KHSRP: variants seen among roughly 807,000 people sequenced by gnomAD.
The protein encoded by KHSRP is KH-type splicing regulatory protein, also known as far upstream element-binding protein 2.
KHSRP carries 13 observed loss-of-function variants against 94.9 expected under a neutral mutation model. The observed-to-expected ratio is 0.14, with a 90% CI of 0.09 to 0.22. KHSRP has a LOEUF of 0.22. Among genes scored for constraint, KHSRP ranks in the 10% least tolerant of loss-of-function variants. KHSRP has a pLI of 1.00. For synonymous variants in KHSRP, 495 were observed against 401.4 expected, an observed-to-expected ratio of 1.23 and a Z score of -2.79; for missense variants, 710 against 1,010.0, an observed-to-expected ratio of 0.70 and a Z score of 4.03.
intron 1 of KHSRP, 43 bp downstream of exon 1, chr19:6,424,410 C>T: frequency 1.2e-6 from 1 of 849,164 alleles, no homozygotes; most frequent in Non-Finnish European, 1.4e-6. Flanking sequence ...CCCCCGCCTG[C>T]GCGCGCGCGC....
Position 6,418,126 on chromosome 19 carries a change from C to T in KHSRP, c.880-47G>A, listed in dbSNP as rs1377256649. On this transcript the variant is annotated intron_variant, in intron 9 of 18. Coordinates refer to ENST00000600480, the MANE Select transcript of KHSRP (RefSeq NM_001366299.1). The surrounding 1 kb of genome is among the most constrained non-coding windows in gnomAD (Gnocchi z 4.3). ...CCCCCATGGGTGAGCCCTGCTGCCC[C>T]ACACCCCCCCACCTCCTCGGGGGTG... The T allele has an allele frequency of 1.9e-6, 3 of 1,544,188 alleles. No individual in the cohort carries two copies. The highest frequency in any genetic ancestry group is 2.7e-6 in the Non-Finnish European group (3 of 1,118,986).
intron 5 of KHSRP, 44 bp from the exon 6 acceptor site, chr19:6,420,188 G>A (rs1440115893): frequency 6.5e-7 from 1 of 1,547,176 alleles, no homozygotes; most frequent in Non-Finnish European, 8.9e-7. Context: ...GATGAGGGAA[G>A]GGAGCCCAGG....
intron 11 of KHSRP, 47 bp downstream of exon 11, chr19:6,417,692 G>C (rs371459937): frequency 1.3e-5 from 20 of 1,532,652 alleles, no homozygotes; most frequent in Non-Finnish European, 1.7e-5. Context: ...GCCTCCCAAA[G>C]AGGGTGGGGG....
chr19:6,420,593 C>G, intron 4 of KHSRP, 122 bp from the exon 5 acceptor site: 1 of 857,574 alleles, frequency 1.2e-6, no homozygotes, highest in East Asian at 2.6e-5. Flanking sequence ...ACACAGGCCA[C>G]AAAACTGCCA....
chr19:6,416,238 T>C lies in KHSRP; in HGVS notation c.1598+60A>G, dbSNP rs2092145171. The C allele has an allele frequency of 2.9e-6, 4 of 1,370,520 alleles. No homozygotes were observed. In the South Asian group the frequency reaches 5.2e-5, roughly 18 times the overall value. The allele number at this position is 1,370,520 out of a possible 1,614,324, so 84.9% of individuals were successfully genotyped here. Reference sequence around the variant, plus strand: ...AGGGAAAGGGAAATGGGGTCTGCTATTCTTCTTGCCAGCTCAGTAAGCCCC... The same window carrying C: ...AGGGAAAGGGAAATGGGGTCTGCTACTCTTCTTGCCAGCTCAGTAAGCCCC... On this transcript the variant is annotated intron_variant, in intron 15 of 18. Transcript: ENST00000600480.
intron 11 of KHSRP, among the ~76,000 whole-genome samples, 161 bp downstream of exon 11, chr19:6,417,578 C>T (rs180830410): frequency 2.1e-4 from 32 of 152,278 alleles, no homozygotes; most frequent in African/African-American, 6.7e-4. Flanking sequence ...GTGTCTGTCC[C>T]AGAGAAGAGA....
At position 6,414,982 on chromosome 19, in the gene KHSRP, G is replaced by T. The variant is rs938521148; in HGVS notation, c.*42C>A. 3 of 1,439,032 alleles carry T rather than the reference G, an allele frequency of 2.1e-6. No homozygotes were observed. In the Admixed American group the frequency reaches 8.6e-5, roughly 41 times the overall value. 89.1% of individuals were successfully genotyped at this position (1,439,032 alleles called of 1,614,324 possible). A position where few individuals can be genotyped will look rare whatever the true frequency, so the allele number is the denominator to read the frequency against. On this transcript the variant is annotated 3_prime_UTR_variant, in exon 19 of 19. Transcript: ENST00000600480. Reference sequence around the variant, plus strand: ...GAATGCTTCCCTGGCGGTGCGTGGGGACTCCCGGAGACCTCCGGCCACACG... The same window carrying T: ...GAATGCTTCCCTGGCGGTGCGTGGGTACTCCCGGAGACCTCCGGCCACACG...
Position 6,415,599 on chromosome 19 carries a change from G to A in KHSRP, c.1823C>T (p.Pro608Leu). 2 of 1,516,644 alleles carry A rather than the reference G, an allele frequency of 1.3e-6. No homozygotes were observed. The allele number at this position is 1,516,644 out of a possible 1,614,324, so 93.9% of individuals were successfully genotyped here. The change falls in exon 17 of 19, where the codon CCT becomes CTT. Residue 608 changes from proline to leucine, a missense_variant. By Grantham distance (98) the Pro-to-Leu change is moderately conservative (BLOSUM62 -3). Transcript: ENST00000600480. ...PAAPPAQGEP[P>L]QPPPTGQSDY... ...CGACTGGCCGGTGGGTGGGGGCTGA[G>A]GGGGCTCACCCTGAGCCGGTGGGGC...
chr19:6,420,920 G>A lies in KHSRP; in HGVS notation c.425+358C>T. The A allele has an allele frequency of 1.0e-5, 4 of 392,432 alleles. No homozygotes were observed. The South Asian group carries it at 1.3e-4, about 13-fold the overall frequency. The allele number at this position is 392,432 out of a possible 1,614,324, so 24.3% of individuals were successfully genotyped here. ...AGCCCTGAGCTCCACAGCACTGAGT[G>A]GGATGGGCACTTGCAGATGTGTGAG... On this transcript the variant is annotated intron_variant, in intron 4 of 18. Transcript: ENST00000600480.
In KHSRP at chr19:6,415,619, T is replaced by G. The variant is rs2092138207; in HGVS notation, c.1803A>C (p.Pro601=). ...VPGPAPAPAA[P]PAQGEPPQPP... is the part of the protein sequence containing the mutation. ...GCTGAGGGGGCTCACCCTGAGCCGG[T>G]GGGGCCGCAGGGGCCGGTGCGGGGC... The change falls in exon 17 of 19, where the codon CCA becomes CCC. Residue 601 remains proline, a synonymous_variant. Coordinates refer to ENST00000600480, the MANE Select transcript of KHSRP (RefSeq NM_001366299.1). The G allele has an allele frequency of 6.6e-7, 1 of 1,513,170 alleles. No homozygotes were observed. Among genetic ancestry groups the G allele is most frequent in the Non-Finnish European group, 8.8e-7 (1 of 1,131,608 alleles). 93.7% of individuals were successfully genotyped at this position (1,513,170 alleles called of 1,614,324 possible). A position where few individuals can be genotyped will look rare whatever the true frequency, so the allele number is the denominator to read the frequency against.
At position 6,420,561 on chromosome 19, in the gene KHSRP, T is replaced by G; in HGVS notation, c.426-90A>C. ...GGTCTACTTGAAGCCAAGGCCACCA[T>G]AGGTCTAAGCAGAGTCTGACCACAC... On this transcript the variant is annotated intron_variant, in intron 4 of 18. Coordinates refer to ENST00000600480, the MANE Select transcript of KHSRP (RefSeq NM_001366299.1). 10 of 1,192,846 alleles carry G rather than the reference T, an allele frequency of 8.4e-6. No homozygotes were observed. In the South Asian group the frequency reaches 1.0e-4, roughly 12 times the overall value. The allele number at this position is 1,192,846 out of a possible 1,614,324, so 73.9% of individuals were successfully genotyped here.
At chr19:6,419,473 GA>G (rs1276227726) in intron 6 of KHSRP, among the ~76,000 whole-genome samples, 1 of 152,178 alleles carries the variant, frequency 6.6e-6, no homozygotes, top group African/African-American at 2.4e-5. Context: ...GACTTTAAGG[GA>G]AAAGGATGAG....
chr19:6,422,401 T>C lies in KHSRP; in HGVS notation c.285A>G (p.Thr95=), dbSNP rs1202163238. 2 of 1,613,764 alleles carry C rather than the reference T, an allele frequency of 1.2e-6. No homozygotes were observed. The highest frequency in any genetic ancestry group is 1.3e-5 in the African/African-American group (1 of 74,940). Residue 95 remains threonine (T), a synonymous_variant, in exon 2 of 19, where the codon ACA becomes ACG. Transcript: ENST00000600480. ...CAAAATCAGGAGTGCTGTTATTCAC[T>C]GTCGTGGCAGCATCGCCTCCAATTT... is the stretch of plus-strand genomic sequence containing the variant. ...AAKIGGDAAT[T]VNNSTPDFGF...
In KHSRP at chr19:6,413,886, G is replaced by A. The variant is rs2092119778; in HGVS notation, c.*1138C>T. The A allele has an allele frequency of 2.5e-6, 1 of 407,518 alleles. No individual in the cohort carries two copies. Among genetic ancestry groups the A allele is most frequent in the Admixed American group, 4.4e-5 (1 of 22,982 alleles). 25.2% of individuals were successfully genotyped at this position (407,518 alleles called of 1,614,324 possible). On this transcript the variant is annotated 3_prime_UTR_variant, in exon 19 of 19. Coordinates refer to ENST00000600480, the MANE Select transcript of KHSRP (RefSeq NM_001366299.1). ...TATCTTCTCTGGCTGGCTCAACATG[G>A]AAGGATCCCAATTTTGAAAGAAAAA... is the stretch of plus-strand genomic sequence containing the variant.
rs1199457332 is a variant in KHSRP at position 6,424,700 on chromosome 19, ATGGCGCGGCGGGGCCGGGCC to A, written c.-19_1del. The A allele has an allele frequency of 5.8e-6, 6 of 1,029,964 alleles. No homozygotes were observed. The East Asian group carries it at 3.1e-4, about 54-fold the overall frequency. The allele number at this position is 1,029,964 out of a possible 1,614,324, so 63.8% of individuals were successfully genotyped here. On this transcript the variant is annotated start_lost and start_retained_variant and 5_prime_UTR_variant, in exon 1 of 19. Transcript: ENST00000600480. ...GGGTCCTCCCGTGCTGTAGTCCGAC[ATGGCGCGGCGGGGCCGGGCC>A]TGGCGCGGAGGCTGAAGCTGAGGAG...
At chr19:6,420,175 C>T (rs752629727) in intron 5 of KHSRP, 31 bp from the exon 6 acceptor site, 31 of 1,587,704 alleles carry the variant, frequency 2.0e-5, no homozygotes, top group South Asian at 1.6e-4. Flanking sequence ...AAAAGCAAAG[C>T]GTGATGAGGG....
Position 6,424,622 on chromosome 19 carries a change from C to A in KHSRP, c.80G>T (p.Gly27Val). Reference protein sequence around the residue: ...AGGGGGAGGAGGGPPPGPPGA... With the variant: ...AGGGGGAGGAVGGPPPGPPGA... ...TGGCGGGCCCGGCGGAGGGCCTCCC[C>A]CGGCGCCTCCGGCTCCCCCGCCCCC... The change falls in exon 1 of 19, where the codon GGG becomes GTG. Residue 27 changes from glycine to valine, a missense_variant. By Grantham distance (109) the Gly-to-Val change is moderately radical. Around this residue, in one of 5 missense-constraint regions of KHSRP, gnomAD observed 92 missense variants for 80.8 expected, o/e 1.14. Transcript: ENST00000600480. The A allele has an allele frequency of 1.0e-6, 1 of 974,006 alleles. No individual in the cohort carries two copies. Among genetic ancestry groups the A allele is most frequent in the Non-Finnish European group, 1.2e-6 (1 of 821,942 alleles). 60.3% of individuals were successfully genotyped at this position (974,006 alleles called of 1,614,324 possible).
At position 6,418,419 on chromosome 19, in the gene KHSRP, G is replaced by A. The variant is rs977292528; in HGVS notation, c.879+64C>T. The A allele has an allele frequency of 7.6e-6, 9 of 1,180,480 alleles. No individual in the cohort carries two copies. The highest frequency in any genetic ancestry group is 6.0e-5 in the African/African-American group (4 of 66,160). The allele number at this position is 1,180,480 out of a possible 1,614,324, so 73.1% of individuals were successfully genotyped here. A position where few individuals can be genotyped will look rare whatever the true frequency, so the allele number is the denominator to read the frequency against. Reference sequence around the variant, plus strand: ...CTGGCGGAATGCAGACCCCGAGACCGCTGGCCCTGCCCACCTGCCCGTGCC... The same window carrying A: ...CTGGCGGAATGCAGACCCCGAGACCACTGGCCCTGCCCACCTGCCCGTGCC... On this transcript the variant is annotated intron_variant, in intron 9 of 18. Transcript: ENST00000600480. This position sits in a 1 kb window ranked among gnomAD's most constrained non-coding sequence, Gnocchi z 4.3.
chr19:6,420,376 T>C lies in KHSRP; in HGVS notation c.475+46A>G, dbSNP rs775990784. On this transcript the variant is annotated intron_variant, in intron 5 of 18. Transcript: ENST00000600480. Reference sequence around the variant, plus strand: ...TGGCAGGAGCTCACAGGACACTTCCTCCTGGGGAAGAGTGGGCCTCCCCAC... The same window carrying C: ...TGGCAGGAGCTCACAGGACACTTCCCCCTGGGGAAGAGTGGGCCTCCCCAC... The C allele has an allele frequency of 1.6e-5, 26 of 1,592,786 alleles. No individual in the cohort carries two copies. In the Admixed American group the frequency reaches 4.4e-4, roughly 27 times the overall value.
Sources: allele counts gnomAD v4.1 joint callset (sites outside exome capture counted in the v4.1 genomes callset), GRCh38; gene constraint gnomAD v4.1.1; regional missense constraint gnomAD v4.1.1; non-coding constraint Gnocchi (gnomAD v3.1); transcripts MANE v1.5; gene names NCBI Gene and HGNC (gene_info 2026-07-23, HGNC 2026-07-21).